Variants in LRRK1 observed in about 807,000 individuals in gnomAD.
The protein encoded by LRRK1 is leucine rich repeat kinase 1.
A neutral mutation model predicts 209.1 loss-of-function variants in LRRK1; 113 were observed. That is an observed-to-expected ratio of 0.54 (90% CI 0.46 to 0.63). The LOEUF is 0.63. Ranked by LOEUF, LRRK1 falls within the 30% of genes least tolerant of loss-of-function variation. The probability of loss-of-function intolerance (pLI) is 0.00; values close to 1 mark genes in which losing one functional copy is unlikely to be tolerated. For synonymous variants in LRRK1, 1,144 were observed against 1,099.7 expected, an observed-to-expected ratio of 1.04 and a Z score of -0.80; for missense variants, 2,284 against 2,632.2, an observed-to-expected ratio of 0.87 and a Z score of 2.89.
rs1555484893 is a variant in LRRK1, at chr15:101,071,380, T to TTTTTTG, written c.*2536_*2537insTGTTTT. On this transcript the variant is annotated 3_prime_UTR_variant, in exon 34 of 34. Coordinates refer to ENST00000388948, the MANE Select transcript of LRRK1 (RefSeq NM_024652.6). ...GACACAGTCAAGAATCTCTGTGTTT[T>TTTTTTG]TTTTGTTTTGTTTTGTTTTTGTTTT... 3 of 150,724 alleles carry TTTTTTG rather than the reference T, an allele frequency of 2.0e-5. No homozygotes were observed. The highest frequency in any genetic ancestry group is 6.6e-5 in the Admixed American group (1 of 15,160). The allele number at this position is 150,724 out of a possible 1,614,324, so 9.3% of individuals were successfully genotyped here.
intron 10 of LRRK1, among the ~76,000 whole-genome samples, chr15:101,012,655 TGCA>T (rs2033319846): frequency 5.4e-4 from 3 of 5,522 alleles, no homozygotes; most frequent in Middle Eastern, 0.25. Flanking sequence ...CAGGCCACCC[TGCA>T]CAGGCTTCAG....
At chr15:100,920,509 G>A (rs540351338) in intron 1 of LRRK1, among the ~76,000 whole-genome samples, 36 of 152,196 alleles carry the variant, frequency 2.4e-4, no homozygotes, top group Admixed American at 2.3e-3. Flanking sequence ...GAGGTTTTGC[G>A]GTCAGCCAAA....
chr15:101,061,461 C>T (rs1451953995), intron 30 of LRRK1, among the ~76,000 whole-genome samples, 173 bp downstream of exon 30: 1 of 152,260 alleles, frequency 6.6e-6, no homozygotes, highest in African/African-American at 2.4e-5. Flanking sequence ...CGAGAAGTAG[C>T]AGCCTGTCAC....
intron 2 of LRRK1, among the ~76,000 whole-genome samples, chr15:100,935,848 C>T (rs747318801): frequency 3.3e-5 from 5 of 152,170 alleles, no homozygotes; most frequent in African/African-American, 4.8e-5. Flanking sequence ...CTGGCCCCTC[C>T]GTGCTCCTCC....
At chr15:100,937,498 CTTTT>C (rs138801893) in intron 2 of LRRK1, among the ~76,000 whole-genome samples, 1 of 151,136 alleles carries the variant, frequency 6.6e-6, no homozygotes, top group Admixed American at 6.6e-5. Flanking sequence ...TCTTAGATTT[CTTTT>C]TTTAAAATGT....
In LRRK1 at chr15:101,066,127, C is replaced by T. The variant is rs763228498; in HGVS notation, c.5690C>T (p.Pro1897Leu). 2 of 1,614,138 alleles carry T rather than the reference C, an allele frequency of 1.2e-6. No homozygotes were observed. Among genetic ancestry groups the T allele is most frequent in the Non-Finnish European group, 1.7e-6 (2 of 1,180,042 alleles). ...GACAGGTCTGAGCATGACCTGACCC[C>T]CATGGACGGGGAGACCTTCAGCCAG... ...ASDRSEHDLTPMDGETFSQHL... is the reference protein window; with the variant it reads ...ASDRSEHDLTLMDGETFSQHL... The change falls in exon 32 of 34, where the codon CCC becomes CTC. Residue 1897 changes from proline (P) to leucine (L), a missense_variant. Physicochemically the swap from Pro to Leu is moderately conservative, Grantham distance 98 (BLOSUM62 -3). Transcript: ENST00000388948.
intron 12 of LRRK1, among the ~76,000 whole-genome samples, chr15:101,020,723 C>T (rs1049089319): frequency 6.6e-6 from 1 of 152,128 alleles, no homozygotes; most frequent in Non-Finnish European, 1.5e-5. Context: ...CTTCATACCC[C>T]CATATATGTA....
Position 101,062,679 on chromosome 15 carries a change from GTTA to G in LRRK1, c.4907_4909del (p.Ile1636del). 6 of 1,613,374 alleles carry G rather than the reference GTTA, an allele frequency of 3.7e-6. No individual in the cohort carries two copies. Among genetic ancestry groups the G allele is most frequent in the Non-Finnish European group, 5.1e-6 (6 of 1,179,264 alleles). On this transcript the variant is annotated inframe_deletion, in exon 31 of 34. Transcript: ENST00000388948. Reference sequence around the variant, plus strand: ...CGTCACCTGCTTCTTGGCCGTGCCTGTTATTAAAAAGGTGAGGTCGGGGCAAAG... The same window carrying G: ...CGTCACCTGCTTCTTGGCCGTGCCTGTTAAAAAGGTGAGGTCGGGGCAAAG...
Position 101,069,490 on chromosome 15 carries a change from C to T in LRRK1, c.*642C>T. On this transcript the variant is annotated 3_prime_UTR_variant, in exon 34 of 34. Coordinates refer to ENST00000388948, the MANE Select transcript of LRRK1 (RefSeq NM_024652.6). ...GAGAATGAATGAGTTCCTTTAAGTG[C>T]CACCGCCAGCAAGCCCAGAGGCACA... 6.6e-6 allele frequency: 1 copy of T among 152,624 alleles called. No individual in the cohort carries two copies. Among genetic ancestry groups the T allele is most frequent in the Non-Finnish European group, 1.5e-5 (1 of 68,100 alleles). 9.5% of individuals were successfully genotyped at this position (152,624 alleles called of 1,614,324 possible).
intron 2 of LRRK1, among the ~76,000 whole-genome samples, chr15:100,940,028 C>T (rs2042371878): frequency 6.6e-6 from 1 of 152,190 alleles, no homozygotes; most frequent in South Asian, 2.1e-4. Context: ...AACTTCCTTG[C>T]TTTCTGATGT....
chr15:100,956,464 T>TCTTTTTTTTC (rs1596195768), intron 2 of LRRK1, among the ~76,000 whole-genome samples: 1 of 131,894 alleles, frequency 7.6e-6, no homozygotes, highest in Non-Finnish European at 1.6e-5. Context: ...TCTTTTTTTT[T>TCTTTTTTTTC]TTTTTTTTTG....
At chr15:101,030,953 C>T (rs911862047) in intron 20 of LRRK1, among the ~76,000 whole-genome samples, 2 of 152,170 alleles carry the variant, frequency 1.3e-5, no homozygotes, top group African/African-American at 4.8e-5. Flanking sequence ...GTCATTCTTA[C>T]GCCTTTGCAT....
At chr15:100,978,824 A>C (rs2141659035) in intron 3 of LRRK1, among the ~76,000 whole-genome samples, 1 of 152,356 alleles carries the variant, frequency 6.6e-6, no homozygotes, top group African/African-American at 2.4e-5. Context: ...CCTAACATTT[A>C]AAGAATTAAT....
intron 1 of LRRK1, among the ~76,000 whole-genome samples, chr15:100,922,183 A>G (rs779968365): frequency 6.6e-6 from 1 of 152,250 alleles, no homozygotes; most frequent in African/African-American, 2.4e-5. Context: ...ACTTGTAATC[A>G]TCACTTGTTG....
At chr15:100,967,999 T>C (rs775814032) in intron 2 of LRRK1, among the ~76,000 whole-genome samples, 1 of 152,194 alleles carries the variant, frequency 6.6e-6, no homozygotes, top group African/African-American at 2.4e-5. Context: ...CAGTGAGATA[T>C]AGAACCACCA....
At chr15:101,031,613 T>A (rs567027754) in intron 20 of LRRK1, among the ~76,000 whole-genome samples, 2 of 152,202 alleles carry the variant, frequency 1.3e-5, no homozygotes, top group Non-Finnish European at 2.9e-5. Context: ...TTCTCTTGGA[T>A]CAAAACCAGG....
At chr15:101,047,791 G>C (rs1475617640) in intron 21 of LRRK1, among the ~76,000 whole-genome samples, 1 of 152,174 alleles carries the variant, frequency 6.6e-6, no homozygotes, top group African/African-American at 2.4e-5. Context: ...GCTTTAAAAC[G>C]ATCAGACCCT....
intron 4 of LRRK1, among the ~76,000 whole-genome samples, chr15:100,986,612 A>C (rs1046860107): frequency 5.9e-5 from 9 of 152,226 alleles, no homozygotes; most frequent in African/African-American, 2.2e-4. Context: ...CAGCCCGAAG[A>C]AGCTAGAGCT....
At chr15:100,962,824 T>TACATATATATATATATACATATATATATA (rs1555461505) in intron 2 of LRRK1, among the ~76,000 whole-genome samples, 7 of 8,436 alleles carry the variant, frequency 8.3e-4, no homozygotes, top group Non-Finnish European at 1.4e-3. Context: ...TATATATATA[T>TACATATATATATATATACATATATATATA]TTTTTTTTTT....
Sources: gnomAD v4.1 joint callset for allele counts (sites outside exome capture counted in the v4.1 genomes callset) on GRCh38, gnomAD v4.1.1 for gene constraint, MANE v1.5 for transcripts, NCBI Gene and HGNC (gene_info 2026-07-23, HGNC 2026-07-21) for gene names.